CTNNA3: variants seen among roughly 807,000 people sequenced by gnomAD.
CTNNA3 encodes catenin alpha 3.
Under a neutral mutation model 95.7 loss-of-function variants are expected in CTNNA3, and 76 were observed. That is an observed-to-expected ratio of 0.79 (90% CI 0.66 to 0.96). The LOEUF is 0.96. CTNNA3 is among the 40% of genes least tolerant of loss of function. The pLI, the probability that CTNNA3 is intolerant of heterozygous loss-of-function variation, is 0.00. For synonymous variants in CTNNA3, 431 were observed against 374.4 expected, an observed-to-expected ratio of 1.15 and a Z score of -1.74; for missense variants, 1,191 against 1,089.8, an observed-to-expected ratio of 1.09 and a Z score of -1.31.
At chr10:66,901,466 A>C (rs1366772187) in intron 7 of CTNNA3, among the ~76,000 whole-genome samples, 2 of 152,194 alleles carry the variant, frequency 1.3e-5, no homozygotes, top group Admixed American at 1.3e-4. Context: ...AAACCACATC[A>C]ATTAACAGGT....
At chr10:66,655,424 A>G (rs1416274816) in intron 9 of CTNNA3, among the ~76,000 whole-genome samples, 1 of 152,080 alleles carries the variant, frequency 6.6e-6, no homozygotes, top group Non-Finnish European at 1.5e-5. Context: ...TATAAGAGAG[A>G]AAGATGGTGA....
intron 5 of CTNNA3, among the ~76,000 whole-genome samples, chr10:67,229,266 G>T (rs1047947899): frequency 6.6e-6 from 1 of 152,024 alleles, no homozygotes; most frequent in Non-Finnish European, 1.5e-5. Context: ...CAAAATCCAG[G>T]ATCCATTTAT....
At chr10:66,110,277 A>G (rs1462447819) in intron 13 of CTNNA3, among the ~76,000 whole-genome samples, 2 of 150,630 alleles carry the variant, frequency 1.3e-5, no homozygotes, top group Non-Finnish European at 2.9e-5. Context: ...CAAGGGAATC[A>G]TTTGAACCTG....
At chr10:67,386,817 G>C (rs755089488) in intron 5 of CTNNA3, among the ~76,000 whole-genome samples, 1 of 152,152 alleles carries the variant, frequency 6.6e-6, no homozygotes, top group Non-Finnish European at 1.5e-5. Context: ...ATTACCTTAA[G>C]AAAGTTGGCC....
intron 13 of CTNNA3, among the ~76,000 whole-genome samples, chr10:66,246,546 T>C (rs2090333272): frequency 6.6e-6 from 1 of 152,092 alleles, no homozygotes; most frequent in Non-Finnish European, 1.5e-5. Flanking sequence ...GAGCAGCCAC[T>C]GCCATTACTT....
chr10:67,513,840 C>T (rs375382134), intron 5 of CTNNA3, among the ~76,000 whole-genome samples: 2 of 152,182 alleles, frequency 1.3e-5, no homozygotes, highest in South Asian at 4.1e-4. Flanking sequence ...TATAGGTCCT[C>T]TCTTGGTTTC....
intron 6 of CTNNA3, among the ~76,000 whole-genome samples, chr10:67,183,816 G>A (rs1862702779): frequency 6.6e-6 from 1 of 152,020 alleles, no homozygotes; most frequent in Admixed American, 6.6e-5. Flanking sequence ...TCAAGTTCAA[G>A]AAATTTATGC....
intron 5 of CTNNA3, among the ~76,000 whole-genome samples, chr10:67,398,006 C>G (rs1184398458): frequency 6.6e-6 from 1 of 152,202 alleles, no homozygotes; most frequent in African/African-American, 2.4e-5. Flanking sequence ...AGGCAGAGCC[C>G]TCATGGAGAA....
intron 7 of CTNNA3, among the ~76,000 whole-genome samples, chr10:66,835,523 T>C (rs59122131): frequency 0.069 from 10,581 of 152,310 alleles, 395 homozygotes; most frequent in African/African-American, 0.099. Flanking sequence ...ACTTGCCCTT[T>C]GGCAGTGCCT....
chr10:67,724,028 T>C (rs1392981734), intron 1 of CTNNA3, among the ~76,000 whole-genome samples: 2 of 152,096 alleles, frequency 1.3e-5, no homozygotes, highest in Non-Finnish European at 2.9e-5. Flanking sequence ...TCAACACAAT[T>C]CTCAAACAGT....
intron 12 of CTNNA3, among the ~76,000 whole-genome samples, chr10:66,364,324 C>T (rs2132440758): frequency 6.6e-6 from 1 of 152,006 alleles, no homozygotes; most frequent in African/African-American, 2.4e-5. Flanking sequence ...GGGAGGATCA[C>T]TTGAGCCCAG....
chr10:66,882,794 T>G (rs1844897713), intron 7 of CTNNA3, among the ~76,000 whole-genome samples: 1 of 152,236 alleles, frequency 6.6e-6, no homozygotes, highest in East Asian at 1.9e-4. Context: ...GGGAAAAAGA[T>G]GAAAGCACAA....
At position 67,181,002 on chromosome 10, in the gene CTNNA3, A is replaced by G. The variant is rs532160183; in HGVS notation, c.844-482T>C. On this transcript the variant is annotated intron_variant, in intron 6 of 17. Coordinates refer to ENST00000433211, the MANE Select transcript of CTNNA3 (RefSeq NM_013266.4). The stretch of plus-strand genomic sequence containing the variant: ...TGAGGAAGTAGGCAGCAAAGTATTA[A>G]TAACTACACATTTCAGCTGATGATG... 1.4e-4 allele frequency among the ~76,000 whole-genome samples: 21 copies of G among 152,306 alleles called. No individual in the cohort carries two copies. In the South Asian group the frequency reaches 4.3e-3, roughly 32 times the overall value.
chr10:66,120,907 G>A (rs2082545485), intron 13 of CTNNA3, among the ~76,000 whole-genome samples: 1 of 152,188 alleles, frequency 6.6e-6, no homozygotes, highest in Non-Finnish European at 1.5e-5. Flanking sequence ...GGAAGATTGT[G>A]CACTCCTTGT....
At chr10:67,649,546 A>G (rs1839818113) in intron 1 of CTNNA3, among the ~76,000 whole-genome samples, 1 of 152,218 alleles carries the variant, frequency 6.6e-6, no homozygotes. Context: ...CATGGTAAAA[A>G]TTACTTAAAA....
intron 14 of CTNNA3, among the ~76,000 whole-genome samples, chr10:66,089,765 T>C (rs1455723064): frequency 1.3e-5 from 2 of 151,272 alleles, no homozygotes; most frequent in Non-Finnish European, 3.0e-5. Flanking sequence ...GAGAAATATA[T>C]ATATATATAT....
intron 7 of CTNNA3, among the ~76,000 whole-genome samples, chr10:67,071,403 T>C (rs957156120): frequency 6.6e-6 from 1 of 151,008 alleles, no homozygotes; most frequent in African/African-American, 2.4e-5. Flanking sequence ...AGTTACAGAA[T>C]TGTAGGTTTG....
chr10:66,450,767 C>T (rs1199905639), intron 11 of CTNNA3, among the ~76,000 whole-genome samples: 1 of 152,078 alleles, frequency 6.6e-6, no homozygotes, highest in Non-Finnish European at 1.5e-5. Flanking sequence ...TGTTACTTTG[C>T]TCCAACTTAT....
intron 9 of CTNNA3, among the ~76,000 whole-genome samples, chr10:66,701,140 T>C (rs2132570923): frequency 6.6e-6 from 1 of 152,298 alleles, no homozygotes. Context: ...CCCACTGAAT[T>C]GCCTTTGAAC....
Sources: gnomAD v4.1 joint callset for allele counts (sites outside exome capture counted in the v4.1 genomes callset) on GRCh38, gnomAD v4.1.1 for gene constraint, MANE v1.5 for transcripts, NCBI Gene and HGNC (gene_info 2026-07-23, HGNC 2026-07-21) for gene names.